Variants in SRSF6 observed in about 807,000 individuals in gnomAD.
SRSF6 encodes serine and arginine rich splicing factor 6.
Under a neutral mutation model 42.0 loss-of-function variants are expected in SRSF6, and 17 were observed. The observed-to-expected ratio is 0.40, with a 90% CI of 0.28 to 0.61. The LOEUF is 0.61. Among genes scored for constraint, SRSF6 ranks in the 20% least tolerant of loss-of-function variants. The pLI is 0.37. For missense variants in SRSF6, 379 were observed against 471.4 expected (o/e 0.80, Z 1.81); for synonymous variants, 204 against 166.7 (o/e 1.22, Z -1.72).
rs1033604719 is a variant in SRSF6 at position 43,462,116 on chromosome 20, C to T, written c.*1053C>T. The T allele has an allele frequency of 1.3e-5, 2 of 152,218 alleles. No homozygotes were observed. Among genetic ancestry groups the T allele is most frequent in the Admixed American group, 6.5e-5 (1 of 15,272 alleles). 9.4% of individuals were successfully genotyped at this position (152,218 alleles called of 1,614,324 possible). ...TAAGTTCCACCCAGTAGTCAGTCCC[C>T]TTTGTAGTTAGTGGGATTATTTGAT... On this transcript the variant is annotated 3_prime_UTR_variant, in exon 6 of 6. Transcript: ENST00000244020.
chr20:43,458,749 C>A (rs1201998347), intron 2 of SRSF6, among the ~76,000 whole-genome samples: 1 of 152,080 alleles, frequency 6.6e-6, no homozygotes, highest in African/African-American at 2.4e-5. Flanking sequence ...TTCTTCTGGC[C>A]CCTTGTCAGC....
Position 43,460,618 on chromosome 20 carries a change from G to C in SRSF6, c.674+20G>C, listed in dbSNP as rs373858006. On this transcript the variant is annotated intron_variant, in intron 5 of 5. Coordinates refer to ENST00000244020, the MANE Select transcript of SRSF6 (RefSeq NM_006275.6). Reference sequence around the variant, plus strand: ...CTCCCGGTAAATAACGTTGTGTTGAGTCACTGTGAATATTACCGTACTTGT... The same window carrying C: ...CTCCCGGTAAATAACGTTGTGTTGACTCACTGTGAATATTACCGTACTTGT... 26 of 1,614,034 alleles carry C rather than the reference G, an allele frequency of 1.6e-5. No individual in the cohort carries two copies. In the South Asian group the frequency reaches 2.9e-4, roughly 18 times the overall value.
chr20:43,459,001 C>T lies in SRSF6; in HGVS notation c.256+492C>T, dbSNP rs534958123. Reference sequence around the variant, plus strand: ...TGTGGTATTGTACCACAAAGTAGATCTAAATAAGCTTTATGCTGTATTTGA... The same window carrying T: ...TGTGGTATTGTACCACAAAGTAGATTTAAATAAGCTTTATGCTGTATTTGA... On this transcript the variant is annotated intron_variant, in intron 2 of 5. Transcript: ENST00000244020. Among the ~76,000 whole-genome samples the T allele has an allele frequency of 4.6e-5, 7 of 152,034 alleles. 1 individual carries two copies. Among genetic ancestry groups the T allele is most frequent in the African/African-American group, 1.7e-4 (7 of 41,368 alleles).
intron 2 of SRSF6, chr20:43,459,033 T>G (rs1351250511): frequency 2.4e-6 from 2 of 820,596 alleles, no homozygotes; most frequent in Non-Finnish European, 3.5e-6. Flanking sequence ...TTGAACTAAT[T>G]GGGGCATGTT....
At position 43,461,337 on chromosome 20, in the gene SRSF6, G is replaced by GTTTGT. The variant is rs2017589449; in HGVS notation, c.*277_*278insGTTTT. ...GTAAAGATTAAGCTCATTTAGTGTT[G>GTTTGT]TTTTTTTTTTTTTTTTTTTTTTTTT... On this transcript the variant is annotated 3_prime_UTR_variant, in exon 6 of 6. Coordinates refer to ENST00000244020, the MANE Select transcript of SRSF6 (RefSeq NM_006275.6). The GTTTGT allele has an allele frequency of 2.3e-5, 1 of 43,768 alleles. No individual in the cohort carries two copies. The highest frequency in any genetic ancestry group is 8.2e-5 in the African/African-American group (1 of 12,192). The allele number at this position is 43,768 out of a possible 1,614,324, so 2.7% of individuals were successfully genotyped here. A position where few individuals can be genotyped will look rare whatever the true frequency, so the allele number is the denominator to read the frequency against.
At position 43,460,158 on chromosome 20, in the gene SRSF6, A is replaced by G. The variant is rs2017560378; in HGVS notation, c.507A>G (p.Thr169=). The change falls in exon 4 of 6, where the codon ACA becomes ACG. Residue 169 remains threonine (T), a synonymous_variant. Coordinates refer to ENST00000244020, the MANE Select transcript of SRSF6 (RefSeq NM_006275.6). The stretch of plus-strand genomic sequence containing the variant: ...GTGCTTTGGACAAACTGGATGGCAC[A>G]GAAATAAATGGCAGAAATATTAGGC... ...MKRALDKLDG[T]EINGRNIRLI... 5 of 1,614,284 alleles carry G rather than the reference A, an allele frequency of 3.1e-6. No homozygotes were observed. In the African/African-American group the frequency reaches 4.0e-5, roughly 13 times the overall value.
chr20:43,463,413 AAAG>A lies in SRSF6; in HGVS notation c.*2354_*2356del, dbSNP rs1250301700. 1 of 154,806 alleles carries A rather than the reference AAAG, an allele frequency of 6.5e-6. No homozygotes were observed. Among genetic ancestry groups the A allele is most frequent in the African/African-American group, 2.4e-5 (1 of 41,526 alleles). The allele number at this position is 154,806 out of a possible 1,614,324, so 9.6% of individuals were successfully genotyped here. A position where few individuals can be genotyped will look rare whatever the true frequency, so the allele number is the denominator to read the frequency against. On this transcript the variant is annotated 3_prime_UTR_variant, in exon 6 of 6. Coordinates refer to ENST00000244020, the MANE Select transcript of SRSF6 (RefSeq NM_006275.6). ...AGATGGAGTATTAAGGTGGAGCAGA[AAAG>A]AAGTGAGAACATCTTGATTCCCCTT...
chr20:43,461,003 A>G lies in SRSF6; in HGVS notation c.975A>G (p.Arg325=). 1 of 1,612,704 alleles carries G rather than the reference A, an allele frequency of 6.2e-7. No homozygotes were observed. The highest frequency in any genetic ancestry group is 1.1e-5 in the South Asian group (1 of 90,872). The change falls in exon 6 of 6, where the codon AGA becomes AGG. Residue 325 remains arginine (R), a synonymous_variant. Coordinates refer to ENST00000244020, the MANE Select transcript of SRSF6 (RefSeq NM_006275.6). The part of the protein sequence containing the change: ...VSPPPKRATS[R]SRSRSRSKSR... ...CTCCACCAAAAAGAGCTACTTCAAG[A>G]TCCCGTTCTAGATCTCGCTCAAAGT...
intron 2 of SRSF6, 65 bp from the exon 3 acceptor site, chr20:43,459,706 C>G (rs568288298): frequency 7.5e-6 from 12 of 1,608,862 alleles, no homozygotes; most frequent in Non-Finnish European, 7.6e-6. Context: ...TTTGTACTAA[C>G]TTTCAAAGAC....
At chr20:43,459,502 T>C (rs2017550054) in intron 2 of SRSF6, 1 of 1,304,700 alleles carries the variant, frequency 7.7e-7, no homozygotes, top group Non-Finnish European at 9.9e-7. Context: ...TATTTTACAA[T>C]GTTCTGTAAA....
chr20:43,460,485 A>T, intron 4 of SRSF6, 30 bp from the exon 5 acceptor site: 1 of 1,609,988 alleles, frequency 6.2e-7, no homozygotes, highest in Non-Finnish European at 8.5e-7. Context: ...TTGGATTGGG[A>T]TTAAGACTTC....
Position 43,460,908 on chromosome 20 carries a change from A to G in SRSF6, c.880A>G (p.Arg294Gly), listed in dbSNP as rs1272808491. 1.2e-5 allele frequency: 19 copies of G among 1,614,074 alleles called. No homozygotes were observed. The highest frequency in any genetic ancestry group is 1.6e-5 in the Non-Finnish European group (19 of 1,180,034). Residue 294 changes from arginine (R) to glycine (G), a missense_variant, in exon 6 of 6, where the codon AGA becomes GGA. By Grantham distance (125) the Arg-to-Gly change is moderately radical. Transcript: ENST00000244020. The stretch of plus-strand genomic sequence containing the variant: ...AAAGGGTGATATAAAGTCAAAATCC[A>G]GATCAAGGAGCCAGTCCCGTTCCAA... ...NGKGDIKSKS[R>G]SRSQSRSNSP...
At position 43,462,793 on chromosome 20, in the gene SRSF6, ATTATC is replaced by A. The variant is rs1225538922; in HGVS notation, c.*1735_*1739del. The A allele has an allele frequency of 6.6e-6, 1 of 152,384 alleles. No individual in the cohort carries two copies. Among genetic ancestry groups the A allele is most frequent in the Admixed American group, 6.5e-5 (1 of 15,272 alleles). The allele number at this position is 152,384 out of a possible 1,614,324, so 9.4% of individuals were successfully genotyped here. On this transcript the variant is annotated 3_prime_UTR_variant, in exon 6 of 6. Transcript: ENST00000244020. ...GCCCCAAAAGGCGGATGCTTCTTCC[ATTATC>A]TTATTTTCTTTGATACTTTATTTAA...
At chr20:43,459,626 A>G (rs1464087881) in intron 2 of SRSF6, 145 bp from the exon 3 acceptor site, 14 of 1,388,932 alleles carry the variant, frequency 1.0e-5, no homozygotes, top group Non-Finnish European at 1.4e-5. Context: ...TTTTATGGCA[A>G]ATCACAAATG....
rs969667153 is a variant in SRSF6, at chr20:43,462,570, A to G, written c.*1507A>G. 1 of 152,242 alleles carries G rather than the reference A, an allele frequency of 6.6e-6. No homozygotes were observed. The highest frequency in any genetic ancestry group is 1.5e-5 in the Non-Finnish European group (1 of 68,046). The allele number at this position is 152,242 out of a possible 1,614,324, so 9.4% of individuals were successfully genotyped here. A position where few individuals can be genotyped will look rare whatever the true frequency, so the allele number is the denominator to read the frequency against. On this transcript the variant is annotated 3_prime_UTR_variant, in exon 6 of 6. Transcript: ENST00000244020. ...TGTGCCACAGGTGTGACTGGAAAGC[A>G]TGATATTCTAGGGTTGGTTTGTAGA...
rs2017594978 is a variant in SRSF6, at chr20:43,461,364, TTTTTTTTTTTAG to T, written c.*303_*314del. The T allele has an allele frequency of 4.6e-6, 1 of 219,248 alleles. No individual in the cohort carries two copies. The highest frequency in any genetic ancestry group is 2.9e-5 in the African/African-American group (1 of 34,922). The allele number at this position is 219,248 out of a possible 1,614,324, so 13.6% of individuals were successfully genotyped here. ...TTTTTTTTTTTTTTTTTTTTTTTTT[TTTTTTTTTTTAG>T]TATTTCAGCAGGATCTGCTGGCAGG... On this transcript the variant is annotated 3_prime_UTR_variant, in exon 6 of 6. Transcript: ENST00000244020.
Position 43,464,105 on chromosome 20 carries a change from G to C in SRSF6, c.*3042G>C, listed in dbSNP as rs1363359363. On this transcript the variant is annotated 3_prime_UTR_variant, in exon 6 of 6. Transcript: ENST00000244020. ...AGAGATCGGCTTTAAATGGCTGGCT[G>C]GTTACTGTTGAATGAATGTATGATA... 6.6e-6 allele frequency: 1 copy of C among 152,128 alleles called. No individual in the cohort carries two copies. Among genetic ancestry groups the C allele is most frequent in the African/African-American group, 2.4e-5 (1 of 41,428 alleles). 9.4% of individuals were successfully genotyped at this position (152,128 alleles called of 1,614,324 possible).
intron 2 of SRSF6, chr20:43,459,398 C>A: frequency 1.5e-6 from 2 of 1,319,156 alleles, no homozygotes; most frequent in Admixed American, 4.2e-5. Flanking sequence ...GCCAAACCAC[C>A]ACCAAAAACC....
rs964658176 is a variant in SRSF6, at chr20:43,459,554, C to T, written c.257-217C>T. The T allele has an allele frequency of 3.2e-5, 41 of 1,301,120 alleles. No homozygotes were observed. In the African/African-American group the frequency reaches 5.2e-4, roughly 17 times the overall value. 80.6% of individuals were successfully genotyped at this position (1,301,120 alleles called of 1,614,324 possible). A position where few individuals can be genotyped will look rare whatever the true frequency, so the allele number is the denominator to read the frequency against. On this transcript the variant is annotated intron_variant, in intron 2 of 5. Coordinates refer to ENST00000244020, the MANE Select transcript of SRSF6 (RefSeq NM_006275.6). ...TAAATCGAATAAAGGAGCAGTCACT[C>T]TCTAACAGATTGTAGGAGAGGTTTA...
Sources: allele counts gnomAD v4.1 joint callset (sites outside exome capture counted in the v4.1 genomes callset), GRCh38; gene constraint gnomAD v4.1.1; transcripts MANE v1.5; gene names NCBI Gene and HGNC (gene_info 2026-07-23, HGNC 2026-07-21).